SMIM45: variants seen among roughly 807,000 people sequenced by gnomAD.
SMIM45 encodes the protein small integral membrane protein 45, also known as long intergenic non-protein coding RNA 634.
chr22:41,950,408 A>G, the SMIM45 span, among the ~76,000 whole-genome samples: 1 of 152,204 alleles, frequency 6.6e-6, no homozygotes, highest in Non-Finnish European at 1.5e-5. Flanking sequence ...AAAATGTTAA[A>G]AAGCACTTTG....
chr22:41,954,488 G>C, the SMIM45 span, among the ~76,000 whole-genome samples: 1 of 152,174 alleles, frequency 6.6e-6, no homozygotes, highest in Non-Finnish European at 1.5e-5. Context: ...TTACAGGCGT[G>C]ACCCACCACA....
At chr22:41,955,294 C>G in the SMIM45 span, among the ~76,000 whole-genome samples, 1 of 151,962 alleles carries the variant, frequency 6.6e-6, no homozygotes, top group African/African-American at 2.4e-5. Context: ...ACTCTCCTGC[C>G]TCAGCCTGCC....
At chr22:41,950,946 T>C in the SMIM45 span, among the ~76,000 whole-genome samples, 3 of 152,116 alleles carry the variant, frequency 2.0e-5, no homozygotes, top group African/African-American at 7.2e-5. Flanking sequence ...GAGCCGAGAT[T>C]GCGCCACTGC....
At chr22:41,954,103 A>G in the SMIM45 span, among the ~76,000 whole-genome samples, 1 of 151,956 alleles carries the variant, frequency 6.6e-6, no homozygotes, top group Admixed American at 6.6e-5. Context: ...GGCACATAAC[A>G]AGTGCTACAT....
At chr22:41,957,404 A>G in the SMIM45 span, among the ~76,000 whole-genome samples, 19,041 of 144,610 alleles carry the variant, frequency 0.13, 1,451 homozygotes, top group Admixed American at 0.24. Context: ...GGGTTTCACC[A>G]TGTTAGCCAG....
At chr22:41,949,060 C>T in the SMIM45 span, among the ~76,000 whole-genome samples, 1 of 151,422 alleles carries the variant, frequency 6.6e-6, no homozygotes, top group African/African-American at 2.4e-5. Flanking sequence ...AGCGAAACTC[C>T]ATCACAAAAA....
chr22:41,953,740 G>GTTTTTTT, the SMIM45 span, among the ~76,000 whole-genome samples: 6 of 89,320 alleles, frequency 6.7e-5, 1 homozygote, highest in Admixed American at 1.2e-4. Flanking sequence ...TCTGTGATCT[G>GTTTTTTT]TTTTTTTTTT....
At chr22:41,956,387 C>T in the SMIM45 span, among the ~76,000 whole-genome samples, 1 of 152,188 alleles carries the variant, frequency 6.6e-6, no homozygotes, top group Non-Finnish European at 1.5e-5. Context: ...GGGCCTTGTC[C>T]TTACAACTAT....
At chr22:41,953,033 T>C in the SMIM45 span, among the ~76,000 whole-genome samples, 4 of 152,106 alleles carry the variant, frequency 2.6e-5, no homozygotes, top group Non-Finnish European at 5.9e-5. Flanking sequence ...GGTTAAAAGG[T>C]GCTGGGTCCT....
chr22:41,954,171 G>A, the SMIM45 span, among the ~76,000 whole-genome samples: 2 of 149,890 alleles, frequency 1.3e-5, no homozygotes, highest in Admixed American at 6.7e-5. Context: ...ATGGGGATAG[G>A]AATAGCACCC....
the SMIM45 span, among the ~76,000 whole-genome samples, chr22:41,955,805 C>CAA: frequency 0.053 from 5,521 of 104,168 alleles, 454 homozygotes; most frequent in African/African-American, 0.17. Context: ...GACTCCGTCT[C>CAA]AAAAAAAAAA....
the SMIM45 span, among the ~76,000 whole-genome samples, chr22:41,951,963 C>A: frequency 3.3e-5 from 5 of 152,258 alleles, no homozygotes; most frequent in African/African-American, 1.2e-4. Flanking sequence ...GTGATTCCCC[C>A]TCCCCGCACT....
At chr22:41,956,498 A>G in the SMIM45 span, among the ~76,000 whole-genome samples, 2 of 152,228 alleles carry the variant, frequency 1.3e-5, no homozygotes, top group Non-Finnish European at 2.9e-5. Context: ...TAGGGCGTGC[A>G]GGTGGCTGGG....
the SMIM45 span, among the ~76,000 whole-genome samples, chr22:41,950,928 G>C: frequency 6.6e-6 from 1 of 152,212 alleles, no homozygotes; most frequent in Non-Finnish European, 1.5e-5. Context: ...GGAGGTAGAG[G>C]TTGCAGTGAG....
the SMIM45 span, among the ~76,000 whole-genome samples, chr22:41,957,344 C>T: frequency 7.5e-3 from 1,116 of 149,376 alleles, 97 homozygotes; most frequent in East Asian, 0.2. Flanking sequence ...CAGGCATGCG[C>T]CACCACGCCC....
At chr22:41,952,866 G>A in the SMIM45 span, among the ~76,000 whole-genome samples, 3 of 152,310 alleles carry the variant, frequency 2.0e-5, no homozygotes, top group East Asian at 5.8e-4. Context: ...GAAACTGGGG[G>A]CCTGGCTGGG....
At chr22:41,950,762 G>A in the SMIM45 span, among the ~76,000 whole-genome samples, 53 of 152,166 alleles carry the variant, frequency 3.5e-4, no homozygotes, top group Non-Finnish European at 4.4e-4. Context: ...TTGGGAGGCC[G>A]AGGTGGGCAG....
the SMIM45 span, among the ~76,000 whole-genome samples, chr22:41,953,740 GTTTTTTTTTTTT>G: frequency 2.5e-4 from 22 of 89,302 alleles, 1 homozygote; most frequent in African/African-American, 5.7e-4. Flanking sequence ...TCTGTGATCT[GTTTTTTTTTTTT>G]TTTTTTTTTT....
the SMIM45 span, among the ~76,000 whole-genome samples, chr22:41,953,085 T>G: frequency 3.3e-5 from 5 of 152,308 alleles, no homozygotes; most frequent in South Asian, 1.0e-3. Flanking sequence ...CTTTGGATAA[T>G]CAGTGCACTC....
Sources: allele counts gnomAD v4.1 joint callset (sites outside exome capture counted in the v4.1 genomes callset), GRCh38; gene constraint gnomAD v4.1.1; transcripts MANE v1.5; gene names NCBI Gene and HGNC (gene_info 2026-07-23, HGNC 2026-07-21).